Variants in THADA observed in about 807,000 individuals in gnomAD.
The protein encoded by THADA is tRNA (32-2'-O)-methyltransferase regulator THADA.
THADA carries 213 observed loss-of-function variants against 219.8 expected under a neutral mutation model. The ratio of observed to expected loss-of-function variants is 0.97; its 90% CI spans 0.87 to 1.09. The LOEUF (loss-of-function observed/expected upper bound fraction) is 1.09, where lower values mean the gene tolerates loss of function less well. Among genes scored for constraint, THADA ranks in the 50% least tolerant of loss-of-function variants. The pLI, the probability that THADA is intolerant of heterozygous loss-of-function variation, is 0.00. For synonymous variants in THADA, 1,018 were observed against 828.9 expected, an observed-to-expected ratio of 1.23 and a Z score of -3.92; for missense variants, 2,956 against 2,311.3, an observed-to-expected ratio of 1.28 and a Z score of -5.72.
chr2:43,482,337 CCTTT>C (rs1214299364), intron 26 of THADA, among the ~76,000 whole-genome samples: 1 of 152,142 alleles, frequency 6.6e-6, no homozygotes, highest in Non-Finnish European at 1.5e-5. Flanking sequence ...ATCCTCTGCT[CCTTT>C]CTTTATATAT....
In THADA at chr2:43,291,726, G is replaced by T. The variant is rs958482528; in HGVS notation, c.4980C>A (p.Val1660=). ...QSVALRLASK[V]ISHHMQTCVE... is the part of the protein sequence containing the mutation. ...CACATGTCTGCATGTGGTGGGAAAT[G>T]ACTTTGGAAGCAAGTCTCAGAGCTA... is the stretch of plus-strand genomic sequence containing the variant. The change falls in exon 34 of 38, where the codon GTC becomes GTA. Residue 1660 remains valine, a synonymous_variant. Coordinates refer to ENST00000405975, the MANE Select transcript of THADA (RefSeq NM_022065.5). 4 of 1,557,594 alleles carry T rather than the reference G, an allele frequency of 2.6e-6. No homozygotes were observed. Among genetic ancestry groups the T allele is most frequent in the East Asian group, 4.7e-5 (2 of 42,340 alleles).
In THADA at chr2:43,549,384, G is replaced by C; in HGVS notation, c.2948-16C>G. On this transcript the variant is annotated splice_polypyrimidine_tract_variant and intron_variant, in intron 19 of 37. Coordinates refer to ENST00000405975, the MANE Select transcript of THADA (RefSeq NM_022065.5). Reference sequence around the variant, plus strand: ...CTTGCTGACTCTGAGGGAAAGAAATGAGCGTACATGAAACCCAGTAACACA... The same window carrying C: ...CTTGCTGACTCTGAGGGAAAGAAATCAGCGTACATGAAACCCAGTAACACA... 1 of 1,592,596 alleles carries C rather than the reference G, an allele frequency of 6.3e-7. No homozygotes were observed. Among genetic ancestry groups the C allele is most frequent in the Non-Finnish European group, 8.5e-7 (1 of 1,170,582 alleles).
chr2:43,572,874 G>A lies in THADA; in HGVS notation c.1848C>T (p.Thr616=), dbSNP rs1699450673. ...AHGHLQSATD[T]WENLVSDARI... is the part of the protein sequence containing the mutation. ...TTGCATCAGACACGAGGTTCTCCCA[G>A]GTATCAGTTGCAGACTGAAGATGTC... is the stretch of plus-strand genomic sequence containing the variant. Residue 616 remains threonine, a synonymous_variant, in exon 12 of 38, where the codon ACC becomes ACT. Transcript: ENST00000405975. 1.2e-6 allele frequency: 2 copies of A among 1,613,860 alleles called. No homozygotes were observed. The highest frequency in any genetic ancestry group is 1.3e-5 in the African/African-American group (1 of 75,016).
intron 29 of THADA, among the ~76,000 whole-genome samples, chr2:43,376,145 A>ATTCTATTATCTATT (rs1671357620): frequency 1.3e-5 from 2 of 152,282 alleles, no homozygotes; most frequent in East Asian, 3.9e-4. Flanking sequence ...CTTCTATTTT[A>ATTCTATTATCTATT]TTAGGTGTAT....
At position 43,541,450 on chromosome 2, in the gene THADA, G is replaced by A. The variant is rs1695299993; in HGVS notation, c.3107-134C>T. The stretch of plus-strand genomic sequence containing the variant: ...CGATTTGTCATGTTATATTTACTCA[G>A]AAGGAAAGAAGCTAACATTTGTCGA... On this transcript the variant is annotated intron_variant, in intron 20 of 37. Transcript: ENST00000405975. 3.1e-6 allele frequency: 3 copies of A among 979,308 alleles called. No individual in the cohort carries two copies. In the South Asian group the frequency reaches 4.7e-5, roughly 15 times the overall value. The allele number at this position is 979,308 out of a possible 1,614,324, so 60.7% of individuals were successfully genotyped here. A position where few individuals can be genotyped will look rare whatever the true frequency, so the allele number is the denominator to read the frequency against.
intron 36 of THADA, among the ~76,000 whole-genome samples, chr2:43,244,883 A>G (rs1215153216): frequency 1.3e-5 from 2 of 152,168 alleles, no homozygotes; most frequent in African/African-American, 4.8e-5. Flanking sequence ...CACTCACCCC[A>G]GAGCACTCCT....
intron 29 of THADA, among the ~76,000 whole-genome samples, chr2:43,361,855 C>A (rs769107431): frequency 2.2e-4 from 34 of 152,142 alleles, no homozygotes; most frequent in Non-Finnish European, 2.1e-4. Flanking sequence ...ATAAGTTGTA[C>A]CACTCAGTGT....
At chr2:43,501,564 C>T (rs1445871415) in intron 24 of THADA, among the ~76,000 whole-genome samples, 1 of 152,046 alleles carries the variant, frequency 6.6e-6, no homozygotes, top group East Asian at 1.9e-4. Flanking sequence ...GACAAACATA[C>T]CCAAGGTCAT....
chr2:43,256,666 C>T (rs1670348087), intron 36 of THADA, among the ~76,000 whole-genome samples: 1 of 151,466 alleles, frequency 6.6e-6, no homozygotes, highest in South Asian at 2.1e-4. Context: ...CTGGTCTCAA[C>T]CTCCCAGGGT....
intron 22 of THADA, among the ~76,000 whole-genome samples, chr2:43,518,148 C>T (rs538597345): frequency 6.6e-6 from 1 of 152,252 alleles, no homozygotes; most frequent in East Asian, 1.9e-4. Context: ...TTCTCTATTC[C>T]CAGCACCTAT....
intron 26 of THADA, among the ~76,000 whole-genome samples, chr2:43,441,051 G>A (rs756006025): frequency 4.6e-5 from 7 of 152,160 alleles, no homozygotes; most frequent in Non-Finnish European, 8.8e-5. Flanking sequence ...GTTTTTAAGA[G>A]CAAAGTAGGT....
At chr2:43,506,747 T>TA (rs1689723932) in intron 23 of THADA, among the ~76,000 whole-genome samples, 1 of 152,182 alleles carries the variant, frequency 6.6e-6, no homozygotes, top group Non-Finnish European at 1.5e-5. Flanking sequence ...ATAAAGCTGT[T>TA]AAAAAATGTC....
In THADA at chr2:43,586,405, T is replaced by C; in HGVS notation, c.529A>G (p.Asn177Asp). 1 of 1,584,902 alleles carries C rather than the reference T, an allele frequency of 6.3e-7. No homozygotes were observed. The stretch of plus-strand genomic sequence containing the variant: ...ATGCCAACATATAGCACTTGCCTAT[T>C]TTCTTCCAGGATTTCAATTAAACTC... ...QKSLIEILEE[N>D]RKCAGNHIIQ... Residue 177 changes from asparagine to aspartate, a missense_variant, in exon 7 of 38, where the codon AAT (asparagine) becomes GAT (aspartate). Physicochemically the swap from Asn to Asp is conservative, Grantham distance 23. Coordinates refer to ENST00000405975, the MANE Select transcript of THADA (RefSeq NM_022065.5).
chr2:43,248,107 A>G (rs556348085), intron 36 of THADA, among the ~76,000 whole-genome samples: 17 of 142,092 alleles, frequency 1.2e-4, no homozygotes, highest in South Asian at 9.3e-4. Flanking sequence ...ACTTTAGGAA[A>G]TGCCTTCACT....
chr2:43,592,472 T>C lies in THADA; in HGVS notation c.-24-56A>G, dbSNP rs538538456. 2.8e-4 allele frequency: 298 copies of C among 1,064,368 alleles called. 1 individual carries two copies. The highest frequency in any genetic ancestry group is 1.3e-3 in the South Asian group (91 of 71,120). 65.9% of individuals were successfully genotyped at this position (1,064,368 alleles called of 1,614,324 possible). A position where few individuals can be genotyped will look rare whatever the true frequency, so the allele number is the denominator to read the frequency against. On this transcript the variant is annotated intron_variant, in intron 1 of 37. Transcript: ENST00000405975. ...GTAAGGTTTCTCAACCTCAGCACTA[T>C]GATTTTTGGCTGGGTTCATTCTTTG...
chr2:43,551,237 CATAAAT>C lies in THADA; in HGVS notation c.2947+546_2947+551del, dbSNP rs1259924917. Among the ~76,000 whole-genome samples, 10 of 152,314 alleles carry C rather than the reference CATAAAT, an allele frequency of 6.6e-5. No homozygotes were observed. In the East Asian group the frequency reaches 1.9e-3, roughly 29 times the overall value. On this transcript the variant is annotated intron_variant, in intron 19 of 37. Transcript: ENST00000405975. ...TTACAAACTTTATTTCAACACCAAA[CATAAAT>C]ATATTTCATGATTTTTCTGTGTATT...
At chr2:43,569,370 T>G (rs982135780) in intron 14 of THADA, among the ~76,000 whole-genome samples, 2 of 152,234 alleles carry the variant, frequency 1.3e-5, no homozygotes, top group Non-Finnish European at 2.9e-5. Flanking sequence ...ATATATAGTC[T>G]ACAAAGAGCT....
chr2:43,264,839 CTACAG>C (rs146670039), intron 36 of THADA, among the ~76,000 whole-genome samples: 1 of 152,304 alleles, frequency 6.6e-6, no homozygotes, highest in African/African-American at 2.4e-5. Flanking sequence ...TCTCTGAGTT[CTACAG>C]TACCGTGAAC....
In THADA at chr2:43,386,699, G is replaced by C. The variant is rs1248655502; in HGVS notation, c.4227+11272C>G. 2.0e-5 allele frequency among the ~76,000 whole-genome samples: 3 copies of C among 152,090 alleles called. 1 individual carries two copies. The highest frequency in any genetic ancestry group is 4.1e-4 in the South Asian group (2 of 4,822). ...ACCTGAGGTTGGGGGTTCAAGACCA[G>C]CCTGGCCAACATGGTGAAACCCCAT... On this transcript the variant is annotated intron_variant, in intron 29 of 37. Transcript: ENST00000405975.
Sources: gnomAD v4.1 joint callset for allele counts (sites outside exome capture counted in the v4.1 genomes callset) on GRCh38, gnomAD v4.1.1 for gene constraint, MANE v1.5 for transcripts, NCBI Gene and HGNC (gene_info 2026-07-23, HGNC 2026-07-21) for gene names.